TNRC6A: variants seen among roughly 807,000 people sequenced by gnomAD.
The protein encoded by TNRC6A is trinucleotide repeat-containing gene 6A protein.
In TNRC6A, 44 loss-of-function variants were observed where a neutral mutation model predicts 221.2. The observed-to-expected ratio is 0.20, with a 90% CI of 0.16 to 0.26. The LOEUF is 0.26. TNRC6A is among the 10% of genes least tolerant of loss of function. The pLI, the probability that TNRC6A is intolerant of heterozygous loss-of-function variation, is 1.00. For synonymous variants in TNRC6A, 847 were observed against 838.5 expected (o/e 1.01, Z -0.18); for missense variants, 2,199 against 2,404.4 (o/e 0.91, Z 1.79).
intron 2 of TNRC6A, among the ~76,000 whole-genome samples, chr16:24,719,548 T>C (rs1010861211): frequency 7.2e-5 from 11 of 152,174 alleles, no homozygotes; most frequent in Non-Finnish European, 1.5e-4. Flanking sequence ...TAATGCCAGC[T>C]ACTCAGGAGG....
chr16:24,796,110 G>A (rs2058214511), intron 9 of TNRC6A, 171 bp downstream of exon 9: 8 of 594,548 alleles, frequency 1.3e-5, no homozygotes, highest in Non-Finnish European at 2.4e-5. Flanking sequence ...AGTCTAGTAT[G>A]GGGCATTAGG....
At chr16:24,689,390 T>C (rs940264251) in intron 2 of TNRC6A, among the ~76,000 whole-genome samples, 4 of 152,208 alleles carry the variant, frequency 2.6e-5, no homozygotes, top group African/African-American at 4.8e-5. Flanking sequence ...ATGTCTGATA[T>C]GGACATGGAT....
chr16:24,782,649 G>C (rs142797983), intron 5 of TNRC6A, among the ~76,000 whole-genome samples: 113 of 152,106 alleles, frequency 7.4e-4, no homozygotes, highest in Middle Eastern at 3.4e-3. Flanking sequence ...AGGCTGAGGT[G>C]GGCGGATCAC....
At chr16:24,664,288 G>A (rs1165316203) in intron 2 of TNRC6A, among the ~76,000 whole-genome samples, 1 of 151,670 alleles carries the variant, frequency 6.6e-6, no homozygotes, top group Non-Finnish European at 1.5e-5. Flanking sequence ...CTGAGATCAT[G>A]CCACTGCACT....
At chr16:24,651,698 G>A (rs759636532) in intron 2 of TNRC6A, among the ~76,000 whole-genome samples, 6 of 149,670 alleles carry the variant, frequency 4.0e-5, no homozygotes, top group South Asian at 2.1e-4. Context: ...CCCTCCCCCC[G>A]CCATCTTAAC....
chr16:24,776,720 T>C, intron 4 of TNRC6A: 2 of 985,346 alleles, frequency 2.0e-6, no homozygotes, highest in Non-Finnish European at 2.4e-6. Flanking sequence ...CCTGGGCCCT[T>C]ATTGGGTAGG....
intron 11 of TNRC6A, among the ~76,000 whole-genome samples, chr16:24,801,718 G>T (rs953704828): frequency 6.6e-6 from 1 of 152,096 alleles, no homozygotes; most frequent in African/African-American, 2.4e-5. Flanking sequence ...GCAAACTCCT[G>T]CCTGCCTCGG....
intron 17 of TNRC6A, among the ~76,000 whole-genome samples, chr16:24,807,270 G>GAAAGGC (rs2058453784): frequency 6.6e-6 from 1 of 152,178 alleles, no homozygotes; most frequent in East Asian, 1.9e-4. Flanking sequence ...CTCCCAAAGT[G>GAAAGGC]TTGGGATTAC....
chr16:24,791,330 C>G lies in TNRC6A; in HGVS notation c.2688C>G (p.Phe896Leu). Reference sequence around the variant, plus strand: ...ACGAACTTGGTAAAACTAGTTCTTTCACTTGGGGAAACAACATAAATCCAA... The same window carrying G: ...ACGAACTTGGTAAAACTAGTTCTTTGACTTGGGGAAACAACATAAATCCAA... ...GWNELGKTSS[F>L]TWGNNINPNN... Residue 896 changes from phenylalanine (F) to leucine (L), a missense_variant, in exon 6 of 25, where the codon TTC (phenylalanine) becomes TTG (leucine). Around this residue, in one of 8 missense-constraint regions of TNRC6A, gnomAD observed 1,405 missense variants for 1,400.2 expected, o/e 1.00. Transcript: ENST00000395799. 1 of 1,605,310 alleles carries G rather than the reference C, an allele frequency of 6.2e-7. No individual in the cohort carries two copies. Among genetic ancestry groups the G allele is most frequent in the Non-Finnish European group, 8.5e-7 (1 of 1,175,442 alleles).
chr16:24,715,023 C>A (rs1385899736), intron 2 of TNRC6A, among the ~76,000 whole-genome samples: 1 of 151,490 alleles, frequency 6.6e-6, no homozygotes, highest in African/African-American at 2.4e-5. Context: ...ACTACAGGCA[C>A]CTGCCACCAC....
chr16:24,692,024 G>A (rs2055765555), intron 2 of TNRC6A, among the ~76,000 whole-genome samples: 1 of 152,168 alleles, frequency 6.6e-6, no homozygotes, highest in South Asian at 2.1e-4. Flanking sequence ...AAAAGAATGA[G>A]TGAATAGGAG....
intron 1 of TNRC6A, among the ~76,000 whole-genome samples, chr16:24,614,494 C>T (rs1428843913): frequency 6.6e-6 from 1 of 152,106 alleles, no homozygotes; most frequent in Non-Finnish European, 1.5e-5. Context: ...TTAGAGATAC[C>T]CTCAGAACTA....
At chr16:24,704,404 G>T (rs894902072) in intron 2 of TNRC6A, among the ~76,000 whole-genome samples, 5 of 151,980 alleles carry the variant, frequency 3.3e-5, no homozygotes, top group African/African-American at 1.2e-4. Context: ...TTAAGGCCAG[G>T]CATGGTGGCT....
intron 18 of TNRC6A, among the ~76,000 whole-genome samples, chr16:24,811,032 C>T (rs1019588518): frequency 2.0e-5 from 3 of 152,128 alleles, no homozygotes; most frequent in Non-Finnish European, 4.4e-5. Context: ...GGACCCGAGT[C>T]GCAGGCAGAA....
chr16:24,793,384 T>C, intron 6 of TNRC6A, 89 bp from the exon 7 acceptor site: 1 of 986,056 alleles, frequency 1.0e-6, no homozygotes, highest in South Asian at 4.1e-5. Flanking sequence ...TTCTTCATCC[T>C]TGGTCCCTAA....
intron 2 of TNRC6A, among the ~76,000 whole-genome samples, chr16:24,668,700 C>T (rs2055226938): frequency 6.6e-6 from 1 of 152,238 alleles, no homozygotes; most frequent in Non-Finnish European, 1.5e-5. Context: ...GGTAATTATT[C>T]ACCCTTAATT....
chr16:24,807,062 G>A (rs1027363571), intron 17 of TNRC6A, among the ~76,000 whole-genome samples: 1 of 150,604 alleles, frequency 6.6e-6, no homozygotes, highest in African/African-American at 2.4e-5. Context: ...GTGGAGTGCA[G>A]TGGTGAGATC....
Position 24,823,724 on chromosome 16 carries a change from G to A in TNRC6A, c.5806G>A (p.Asp1936Asn), listed in dbSNP as rs770476613. The stretch of plus-strand genomic sequence containing the variant: ...CCTGTGGGGTCCCCCAAGCAGCAGC[G>A]ACCCCCGAGGAATTAGCAGCCCATC... ...TSLWGPPSSSDPRGISSPSPI... is the reference protein window; with the variant it reads ...TSLWGPPSSSNPRGISSPSPI... The change falls in exon 25 of 25, where the codon GAC (aspartate) becomes AAC (asparagine). Residue 1936 changes from aspartate to asparagine, a missense_variant. This residue lies in a region of TNRC6A where 130 missense variants were observed against 121.7 expected (regional missense o/e 1.07). Transcript: ENST00000395799. The surrounding 1 kb of genome is among the most constrained non-coding windows in gnomAD (Gnocchi z 4.3). The A allele has an allele frequency of 1.4e-5, 22 of 1,544,666 alleles. No individual in the cohort carries two copies. The highest frequency in any genetic ancestry group is 2.5e-5 in the South Asian group (2 of 80,392).
At chr16:24,636,604 A>G (rs1354202049) in intron 1 of TNRC6A, among the ~76,000 whole-genome samples, 1 of 152,104 alleles carries the variant, frequency 6.6e-6, no homozygotes, top group Non-Finnish European at 1.5e-5. Context: ...CCTGGCCTCA[A>G]GTGATCTTCT....
Sources: allele counts gnomAD v4.1 joint callset (sites outside exome capture counted in the v4.1 genomes callset), GRCh38; gene constraint gnomAD v4.1.1; regional missense constraint gnomAD v4.1.1; non-coding constraint Gnocchi (gnomAD v3.1); transcripts MANE v1.5; gene names NCBI Gene and HGNC (gene_info 2026-07-23, HGNC 2026-07-21).